Variants in TMEM200A observed in about 807,000 individuals in gnomAD.
TMEM200A encodes the protein two transmembrane C.
A neutral mutation model predicts 24.3 loss-of-function variants in TMEM200A; 12 were observed. The observed-to-expected ratio is 0.49, with a 90% CI of 0.32 to 0.80. The LOEUF (loss-of-function observed/expected upper bound fraction) is 0.80, where lower values mean the gene tolerates loss of function less well. TMEM200A is among the 30% of genes least tolerant of loss of function. The pLI is 0.04. For synonymous variants in TMEM200A, 224 were observed against 224.4 expected, an observed-to-expected ratio of 1.00 and a Z score of 0.02; for missense variants, 545 against 614.4, an observed-to-expected ratio of 0.89 and a Z score of 1.19.
rs967318121 is a variant in TMEM200A, at chr6:130,366,517, C to G, written c.-88C>G. ...GACCCGACCCCCAGGGCCCGGTGCT[C>G]AGGACAGGTGAGGGGAAGGAAAGGG... On this transcript the variant is annotated 5_prime_UTR_variant, in exon 1 of 3. Coordinates refer to ENST00000296978, the MANE Select transcript of TMEM200A (RefSeq NM_001258277.2). This position sits in a 1 kb window ranked among gnomAD's most constrained non-coding sequence, Gnocchi z 4.4. The G allele has an allele frequency of 2.7e-5, 27 of 985,698 alleles. No homozygotes were observed. The highest frequency in any genetic ancestry group is 3.1e-5 in the Non-Finnish European group (26 of 830,264). 61.1% of individuals were successfully genotyped at this position (985,698 alleles called of 1,614,324 possible).
intron 2 of TMEM200A, among the ~76,000 whole-genome samples, chr6:130,387,390 A>G: frequency 6.6e-6 from 1 of 152,098 alleles, no homozygotes; most frequent in Admixed American, 6.5e-5. Context: ...CTCCCACCTC[A>G]GCCTCCTGAG....
At chr6:130,367,848 A>G (rs1364431812) in intron 1 of TMEM200A, among the ~76,000 whole-genome samples, 1 of 152,216 alleles carries the variant, frequency 6.6e-6, no homozygotes, top group Non-Finnish European at 1.5e-5. Context: ...GTCCTACTAG[A>G]TAGCTCATAA....
Position 130,432,827 on chromosome 6 carries a change from A to G in TMEM200A, c.-16-7580A>G, listed in dbSNP as rs754728101. Reference sequence around the variant, plus strand: ...CATTTATTATCCCCTCTTCACAACAATCCTACAGGTACTGTTACTATACCC... The same window carrying G: ...CATTTATTATCCCCTCTTCACAACAGTCCTACAGGTACTGTTACTATACCC... On this transcript the variant is annotated intron_variant, in intron 2 of 2. Transcript: ENST00000296978. 5.9e-5 allele frequency among the ~76,000 whole-genome samples: 9 copies of G among 152,156 alleles called. No individual in the cohort carries two copies. The East Asian group carries it at 1.7e-3, about 29-fold the overall frequency.
intron 2 of TMEM200A, among the ~76,000 whole-genome samples, chr6:130,439,744 A>T (rs1205267950): frequency 6.6e-6 from 1 of 152,116 alleles, no homozygotes; most frequent in African/African-American, 2.4e-5. Flanking sequence ...GAAGTAGGAG[A>T]ACTTAACATC....
chr6:130,440,061 GAA>G (rs1002460233), intron 2 of TMEM200A, among the ~76,000 whole-genome samples: 1 of 136,728 alleles, frequency 7.3e-6, no homozygotes, highest in Non-Finnish European at 1.7e-5. Flanking sequence ...AGAGAGAAGA[GAA>G]AGAGTGAGCA....
chr6:130,405,402 A>T (rs983777451), intron 2 of TMEM200A, among the ~76,000 whole-genome samples: 18 of 150,700 alleles, frequency 1.2e-4, no homozygotes, highest in East Asian at 5.8e-4. Flanking sequence ...TGGGTATTTT[A>T]TTTTTTTTTG....
At chr6:130,380,204 G>T (rs1440180948) in intron 1 of TMEM200A, among the ~76,000 whole-genome samples, 1 of 152,128 alleles carries the variant, frequency 6.6e-6, no homozygotes, top group Non-Finnish European at 1.5e-5. Context: ...AATAGACATA[G>T]TCGTACCTTC....
intron 2 of TMEM200A, among the ~76,000 whole-genome samples, chr6:130,406,839 G>C (rs1779219727): frequency 6.6e-6 from 1 of 152,104 alleles, no homozygotes; most frequent in African/African-American, 2.4e-5. Flanking sequence ...CATACTCACT[G>C]TCTTTATGTC....
At position 130,441,112 on chromosome 6, in the gene TMEM200A, A is replaced by G; in HGVS notation, c.690A>G (p.Glu230=). 6.2e-7 allele frequency: 1 copy of G among 1,614,046 alleles called. No homozygotes were observed. The highest frequency in any genetic ancestry group is 8.5e-7 in the Non-Finnish European group (1 of 1,180,004). ...FRMDSSVEED[E]LMLNEGKSSG... is the part of the protein sequence containing the mutation. ...TGGACAGCTCCGTGGAGGAGGATGA[A>G]CTTATGTTAAATGAAGGTAAGAGTT... is the stretch of plus-strand genomic sequence containing the variant. Residue 230 remains glutamate (E), a synonymous_variant, in exon 3 of 3, where the codon GAA becomes GAG. Coordinates refer to ENST00000296978, the MANE Select transcript of TMEM200A (RefSeq NM_001258277.2).
intron 2 of TMEM200A, chr6:130,437,848 T>G (rs983801473): frequency 6.6e-6 from 1 of 152,192 alleles, no homozygotes; most frequent in Non-Finnish European, 1.5e-5. Context: ...TCTTTTCTCA[T>G]CTAATCTCCT....
rs781276684 is a variant in TMEM200A, at chr6:130,441,571, G to GGC, written c.1149_1150insGC (p.Ser384AlafsTer18). Reference sequence around the variant, plus strand: ...CTGGGGCTGCCAGAAGACAGTTTGGGTCCAATACATCCTTGCATTTGCTCT... The same window carrying GGC: ...CTGGGGCTGCCAGAAGACAGTTTGGGGCTCCAATACATCCTTGCATTTGCTCT... On this transcript the variant is annotated frameshift_variant, in exon 3 of 3. Coordinates refer to ENST00000296978, the MANE Select transcript of TMEM200A (RefSeq NM_001258277.2). LOFTEE classifies it high-confidence loss of function. 6 of 1,614,020 alleles carry GGC rather than the reference G, an allele frequency of 3.7e-6. No homozygotes were observed. The highest frequency in any genetic ancestry group is 5.1e-6 in the Non-Finnish European group (6 of 1,179,978).
chr6:130,385,760 G>A (rs1778698029), intron 2 of TMEM200A, among the ~76,000 whole-genome samples: 1 of 152,126 alleles, frequency 6.6e-6, no homozygotes, highest in Admixed American at 6.6e-5. Flanking sequence ...AAGAGTCTGA[G>A]CATTAACCAT....
chr6:130,376,764 AT>A (rs549567016), intron 1 of TMEM200A, among the ~76,000 whole-genome samples: 2 of 151,374 alleles, frequency 1.3e-5, no homozygotes, highest in East Asian at 1.9e-4. Context: ...CCTCACATAC[AT>A]TTTTTTTTCT....
chr6:130,370,173 G>A (rs955094568), intron 1 of TMEM200A, among the ~76,000 whole-genome samples: 2 of 152,138 alleles, frequency 1.3e-5, no homozygotes, highest in African/African-American at 4.8e-5. Context: ...TCTGGATATG[G>A]AGAAAGATGA....
In TMEM200A at chr6:130,412,479, C is replaced by G. The variant is rs888142467; in HGVS notation, c.-17+27243C>G. ...CTCAGATTCTAACACCTTGTGCTGG[C>G]CCACAGCCCCATATGAAGTGCTCCT... On this transcript the variant is annotated intron_variant, in intron 2 of 2. Coordinates refer to ENST00000296978, the MANE Select transcript of TMEM200A (RefSeq NM_001258277.2). Among the ~76,000 whole-genome samples the G allele has an allele frequency of 9.9e-5, 15 of 152,226 alleles. No individual in the cohort carries two copies. The South Asian group carries it at 1.7e-3, about 17-fold the overall frequency.
chr6:130,428,911 G>C (rs949583757), intron 2 of TMEM200A, among the ~76,000 whole-genome samples: 5 of 152,158 alleles, frequency 3.3e-5, no homozygotes, highest in African/African-American at 1.2e-4. Flanking sequence ...ACAACTACTT[G>C]AAGATAGAAA....
In TMEM200A at chr6:130,440,511, C is replaced by T. The variant is rs750311669; in HGVS notation, c.89C>T (p.Pro30Leu). 23 of 1,614,052 alleles carry T rather than the reference C, an allele frequency of 1.4e-5. 2 individuals carry two copies. The South Asian group carries it at 1.8e-4, about 12-fold the overall frequency. Reference protein sequence around the residue: ...ARSQQHVNLSPSPATQEKKPI... With the variant: ...ARSQQHVNLSLSPATQEKKPI... The stretch of plus-strand genomic sequence containing the variant: ...TCACAGCAGCATGTCAACCTCAGCC[C>T]GTCTCCTGCTACCCAAGAGAAGAAG... The change falls in exon 3 of 3, where the codon CCG (proline) becomes CTG (leucine). Residue 30 changes from proline (P) to leucine (L), a missense_variant. Pro to Leu is a moderately conservative substitution (Grantham distance 98). Coordinates refer to ENST00000296978, the MANE Select transcript of TMEM200A (RefSeq NM_001258277.2).
At chr6:130,374,821 A>G (rs1206952061) in intron 1 of TMEM200A, among the ~76,000 whole-genome samples, 1 of 152,054 alleles carries the variant, frequency 6.6e-6, no homozygotes. Flanking sequence ...TTCTGGTTTT[A>G]CTCTCTTTTC....
chr6:130,383,084 C>T (rs1778638371), intron 1 of TMEM200A: 3 of 984,978 alleles, frequency 3.0e-6, no homozygotes, highest in African/African-American at 1.7e-5. Context: ...TCTATTTGCT[C>T]AGGCATTATT....
Sources: gnomAD v4.1 joint callset for allele counts (sites outside exome capture counted in the v4.1 genomes callset) on GRCh38, gnomAD v4.1.1 for gene constraint, Gnocchi (gnomAD v3.1) non-coding constraint, MANE v1.5 for transcripts, NCBI Gene and HGNC (gene_info 2026-07-23, HGNC 2026-07-21) for gene names.